The following RGS7 variants were observed in gnomAD, a reference collection of about 807,000 sequenced individuals.
The protein encoded by RGS7 is regulator of G-protein signaling 7.
In RGS7, 27 loss-of-function variants were observed where a neutral mutation model predicts 81.1. That is an observed-to-expected ratio of 0.33 (90% CI 0.25 to 0.46). RGS7 has a LOEUF of 0.46. RGS7 is among the 20% of genes least tolerant of loss of function. RGS7 has a pLI of 1.00. For synonymous variants in RGS7, 208 were observed against 207.7 expected (o/e 1.00, Z -0.01); for missense variants, 396 against 607.4 (o/e 0.65, Z 3.66).
intron 10 of RGS7, among the ~76,000 whole-genome samples, chr1:240,826,473 GC>G (rs1217539499): frequency 3.9e-5 from 6 of 152,290 alleles, no homozygotes; most frequent in African/African-American, 1.2e-4. Flanking sequence ...TATTAATCCA[GC>G]AGCACCAATC....
chr1:241,193,315 G>C (rs1022019653), intron 2 of RGS7, among the ~76,000 whole-genome samples: 2 of 152,132 alleles, frequency 1.3e-5, no homozygotes, highest in African/African-American at 4.8e-5. Context: ...CCTGAAGATG[G>C]TCTTGAGTAT....
chr1:241,278,805 T>C (rs2078337154), intron 2 of RGS7, among the ~76,000 whole-genome samples: 1 of 152,236 alleles, frequency 6.6e-6, no homozygotes, highest in Non-Finnish European at 1.5e-5. Context: ...CACCTCCTTT[T>C]GACTTCTTTC....
chr1:240,880,029 G>A (rs769187721), intron 6 of RGS7, among the ~76,000 whole-genome samples: 1 of 152,040 alleles, frequency 6.6e-6, no homozygotes, highest in Non-Finnish European at 1.5e-5. Context: ...CCAAAATTGG[G>A]CACTTCCTAT....
intron 3 of RGS7, among the ~76,000 whole-genome samples, chr1:241,044,751 G>A (rs79480864): frequency 0.064 from 9,682 of 152,062 alleles, 410 homozygotes; most frequent in African/African-American, 0.12. Context: ...TTGTTGTTTT[G>A]ATATTATCTT....
chr1:240,966,571 C>A (rs1395703212), intron 4 of RGS7, among the ~76,000 whole-genome samples: 2 of 152,100 alleles, frequency 1.3e-5, no homozygotes, highest in Non-Finnish European at 2.9e-5. Flanking sequence ...CTACTATTTG[C>A]TCATAAAACT....
chr1:241,328,473 G>A (rs2081753499), intron 2 of RGS7, among the ~76,000 whole-genome samples: 1 of 152,192 alleles, frequency 6.6e-6, no homozygotes, highest in Non-Finnish European at 1.5e-5. Flanking sequence ...ATTCATATCT[G>A]TCCTAGTGGA....
Position 241,157,816 on chromosome 1 carries a change from C to CTT in RGS7, c.79-59056_79-59055dup, listed in dbSNP as rs754007777. Reference sequence around the variant, plus strand: ...TAAATAAACTTTTTTCTTTTCTTTTCTTTTCTTTTTTTTTTTTTTTGATAC... The same window carrying CTT: ...TAAATAAACTTTTTTCTTTTCTTTTCTTTTTTCTTTTTTTTTTTTTTTGATAC... On this transcript the variant is annotated intron_variant, in intron 2 of 18. Coordinates refer to ENST00000440928, the MANE Select transcript of RGS7 (RefSeq NM_001364886.1). Among the ~76,000 whole-genome samples, 185 of 121,956 alleles carry CTT rather than the reference C, an allele frequency of 1.5e-3. 1 individual carries two copies. The highest frequency in any genetic ancestry group is 6.6e-3 in the African/African-American group (180 of 27,390). 80.0% of individuals were successfully genotyped at this position (121,956 alleles called of 152,430 possible).
At chr1:240,871,350 G>A (rs373299759) in intron 6 of RGS7, among the ~76,000 whole-genome samples, 2 of 152,066 alleles carry the variant, frequency 1.3e-5, no homozygotes, top group Admixed American at 6.6e-5. Context: ...GGATAACGAC[G>A]TCCAGCTGGT....
At chr1:240,927,470 A>G (rs1448420542) in intron 6 of RGS7, among the ~76,000 whole-genome samples, 2 of 152,186 alleles carry the variant, frequency 1.3e-5, no homozygotes, top group African/African-American at 4.8e-5. Flanking sequence ...TTCACAGCCC[A>G]AGTACATCAC....
At chr1:241,300,027 A>T (rs2079650142) in intron 2 of RGS7, among the ~76,000 whole-genome samples, 1 of 151,508 alleles carries the variant, frequency 6.6e-6, no homozygotes, top group Non-Finnish European at 1.5e-5. Flanking sequence ...GGGTGGGAAG[A>T]TCGCCTGAAC....
intron 2 of RGS7, among the ~76,000 whole-genome samples, chr1:241,130,727 G>C (rs7514095): frequency 0.039 from 5,917 of 150,414 alleles, 385 homozygotes; most frequent in African/African-American, 0.14. Flanking sequence ...GAATTTTACA[G>C]GTCATTTAAC....
At chr1:240,955,551 CAAAAAAAAAAAAAA>C (rs369155474) in intron 4 of RGS7, among the ~76,000 whole-genome samples, 7 of 140,276 alleles carry the variant, frequency 5.0e-5, no homozygotes, top group Non-Finnish European at 1.1e-4. Context: ...GACTCTGTCT[CAAAAAAAAAAAAAA>C]AAAAAAAAAA....
At chr1:240,869,284 C>G (rs1395537224) in intron 7 of RGS7, among the ~76,000 whole-genome samples, 23 of 152,144 alleles carry the variant, frequency 1.5e-4, no homozygotes, top group Admixed American at 1.2e-3. Context: ...CGGCCCACAA[C>G]CTATTCCTAC....
chr1:241,254,781 T>C (rs1381884554), intron 2 of RGS7, among the ~76,000 whole-genome samples: 1 of 152,230 alleles, frequency 6.6e-6, no homozygotes, highest in Non-Finnish European at 1.5e-5. Context: ...TCTATAATGA[T>C]ATAGTAAAAA....
intron 2 of RGS7, among the ~76,000 whole-genome samples, chr1:241,174,139 T>A (rs2103271369): frequency 6.6e-6 from 1 of 152,348 alleles, no homozygotes; most frequent in East Asian, 1.9e-4. Flanking sequence ...AAGAAAAATA[T>A]GAGCAACAGC....
At chr1:241,304,947 A>T (rs2079996687) in intron 2 of RGS7, among the ~76,000 whole-genome samples, 1 of 152,136 alleles carries the variant, frequency 6.6e-6, no homozygotes, top group South Asian at 2.1e-4. Flanking sequence ...ATCTGTTGTA[A>T]CCCTCTCTTG....
At chr1:241,117,219 A>G (rs548116580) in intron 2 of RGS7, among the ~76,000 whole-genome samples, 2 of 152,328 alleles carry the variant, frequency 1.3e-5, no homozygotes, top group African/African-American at 2.4e-5. Flanking sequence ...ACTATATTCC[A>G]TTTGATTGCA....
At chr1:240,869,947 AAG>A in intron 7 of RGS7, 106 bp downstream of exon 7, 1 of 1,000,812 alleles carries the variant, frequency 1.0e-6, no homozygotes. Flanking sequence ...TCTCAAAAAA[AAG>A]AAAAAGATCC....
At chr1:241,316,391 C>T (rs1214286288) in intron 2 of RGS7, among the ~76,000 whole-genome samples, 1 of 152,212 alleles carries the variant, frequency 6.6e-6, no homozygotes, top group Non-Finnish European at 1.5e-5. Context: ...TCCCTACCTT[C>T]TAATCATGCC....
Sources: gnomAD v4.1 joint callset for allele counts (sites outside exome capture counted in the v4.1 genomes callset) on GRCh38, gnomAD v4.1.1 for gene constraint, MANE v1.5 for transcripts, NCBI Gene and HGNC (gene_info 2026-07-23, HGNC 2026-07-21) for gene names.